FAM131C: variants seen among roughly 807,000 people sequenced by gnomAD.
FAM131C encodes family with sequence similarity 131 member C.
In FAM131C, 14 loss-of-function variants were observed where a neutral mutation model predicts 29.8. The ratio of observed to expected loss-of-function variants is 0.47; its 90% CI spans 0.31 to 0.73. The LOEUF is 0.73. Among genes scored for constraint, FAM131C ranks in the 30% least tolerant of loss-of-function variants. The pLI is 0.05. For missense variants in FAM131C, 252 were observed against 383.8 expected (o/e 0.66, Z 2.87); for synonymous variants, 86 against 157.8 (o/e 0.54, Z 3.41).
chr1:16,062,430 G>T, intron 3 of FAM131C, 69 bp downstream of exon 3: 2 of 1,346,418 alleles, frequency 1.5e-6, no homozygotes, highest in Non-Finnish European at 2.1e-6. Context: ...CCTGGGCTGG[G>T]CACAAAGGAT....
intron 1 of FAM131C, among the ~76,000 whole-genome samples, chr1:16,070,669 G>A (rs1300644280): frequency 6.6e-6 from 1 of 152,160 alleles, no homozygotes; most frequent in African/African-American, 2.4e-5. Context: ...AAAAATGAGA[G>A]CAATAGCTAA....
At chr1:16,062,918 A>T (rs1038503285) in intron 2 of FAM131C, among the ~76,000 whole-genome samples, 1 of 152,150 alleles carries the variant, frequency 6.6e-6, no homozygotes, top group Non-Finnish European at 1.5e-5. Flanking sequence ...ACGGAGGCTG[A>T]GAAGAGCTGA....
intron 1 of FAM131C, among the ~76,000 whole-genome samples, chr1:16,065,837 C>T (rs369188599): frequency 6.6e-6 from 1 of 152,190 alleles, no homozygotes; most frequent in Admixed American, 6.5e-5. Flanking sequence ...TACCCAAATC[C>T]TCATTTCAGG....
intron 1 of FAM131C, among the ~76,000 whole-genome samples, chr1:16,073,101 C>G (rs1041266480): frequency 1.1e-4 from 17 of 152,050 alleles, no homozygotes; most frequent in Non-Finnish European, 2.2e-4. Flanking sequence ...CAGGAAGAAC[C>G]AGAGCTGGTT....
rs1347460763 is a variant in FAM131C, at chr1:16,059,223, C to G, written c.562+271G>C. On this transcript the variant is annotated intron_variant, in intron 6 of 6. Coordinates refer to ENST00000375662, the MANE Select transcript of FAM131C (RefSeq NM_182623.3). ...CAACAAGACCCACTCCCTAGGGCTG[C>G]TGTGAGGATTCTGTGAGGTGCCTCG... Among the ~76,000 whole-genome samples, 456 of 99,298 alleles carry G rather than the reference C, an allele frequency of 4.6e-3. 1 individual carries two copies. The highest frequency in any genetic ancestry group is 0.013 in the African/African-American group (430 of 33,658). The allele number at this position is 99,298 out of a possible 152,430, so 65.1% of individuals were successfully genotyped here.
chr1:16,068,226 C>T (rs919564811), intron 1 of FAM131C, among the ~76,000 whole-genome samples: 2 of 152,252 alleles, frequency 1.3e-5, no homozygotes, highest in African/African-American at 4.8e-5. Flanking sequence ...CTCTTACGGT[C>T]CCTGAGCTGG....
Position 16,073,450 on chromosome 1 carries a change from C to T in FAM131C, c.-8G>A. ...CGACACGCAGGAGCCCATCACGGGGCCGCGGGGCCGGGCCGCTGCGCCCGG... is the reference window on the plus strand; with the variant it reads ...CGACACGCAGGAGCCCATCACGGGGTCGCGGGGCCGGGCCGCTGCGCCCGG... On this transcript the variant is annotated 5_prime_UTR_variant, in exon 1 of 7. Transcript: ENST00000375662. The T allele has an allele frequency of 8.3e-7, 1 of 1,207,482 alleles. No individual in the cohort carries two copies. Among genetic ancestry groups the T allele is most frequent in the Non-Finnish European group, 1.0e-6 (1 of 971,928 alleles). The allele number at this position is 1,207,482 out of a possible 1,614,324, so 74.8% of individuals were successfully genotyped here.
intron 1 of FAM131C, among the ~76,000 whole-genome samples, chr1:16,065,651 C>T (rs2023672995): frequency 6.6e-6 from 1 of 152,220 alleles, no homozygotes; most frequent in Admixed American, 6.5e-5. Flanking sequence ...AGGTGCAGAA[C>T]CCCAGCTCTT....
intron 1 of FAM131C, among the ~76,000 whole-genome samples, chr1:16,063,863 T>G (rs60639601): frequency 0.1 from 15,423 of 151,992 alleles, 1,467 homozygotes; most frequent in African/African-American, 0.25. Context: ...CTCCCTTTTC[T>G]CAGTTTCTAG....
chr1:16,061,901 C>T (rs2023599451), intron 4 of FAM131C, among the ~76,000 whole-genome samples, 198 bp downstream of exon 4: 1 of 151,442 alleles, frequency 6.6e-6, no homozygotes, highest in African/African-American at 2.4e-5. Context: ...AGCAGTTTAA[C>T]CTGTGGAAGC....
In FAM131C at chr1:16,059,919, T is replaced by C. The variant is rs771557448; in HGVS notation, c.401A>G (p.Glu134Gly). The C allele has an allele frequency of 3.5e-6, 5 of 1,440,294 alleles. No individual in the cohort carries two copies. Among genetic ancestry groups the C allele is most frequent in the Non-Finnish European group, 3.7e-6 (4 of 1,086,038 alleles). The allele number at this position is 1,440,294 out of a possible 1,614,324, so 89.2% of individuals were successfully genotyped here. The change falls in exon 5 of 7, where the codon GAG becomes GGG. Residue 134 changes from glutamate to glycine, a missense_variant. Glu to Gly is a moderately conservative substitution (Grantham distance 98). Around this residue, in one of 6 missense-constraint regions of FAM131C, gnomAD observed 38 missense variants for 32.7 expected, o/e 1.16. Coordinates refer to ENST00000375662, the MANE Select transcript of FAM131C (RefSeq NM_182623.3). ...CTCATCCGGGAGGCAGCAGTAATGC[T>C]CGTCCTCAGCTGGGGACAGCTCCCA... The part of the protein sequence containing the change: ...AGWELSPAED[E>G]HYCCLPDELR...
In FAM131C at chr1:16,058,497, G is replaced by T; in HGVS notation, c.783C>A (p.Gly261=). The change falls in exon 7 of 7, where the codon GGC becomes GGA. Residue 261 remains glycine, a synonymous_variant. Transcript: ENST00000375662. The stretch of plus-strand genomic sequence containing the variant: ...AGCCGCTGTCCATGGAGGGGAGGGA[G>T]CCCGGGGGGTGGGTCCCACCCTCGG... ...QGPEGGTHPP[G]SLPSMDSGSL... is the part of the protein sequence containing the mutation. 6.6e-7 allele frequency: 1 copy of T among 1,507,990 alleles called. No individual in the cohort carries two copies. Among genetic ancestry groups the T allele is most frequent in the South Asian group, 1.3e-5 (1 of 76,258 alleles). The allele number at this position is 1,507,990 out of a possible 1,614,324, so 93.4% of individuals were successfully genotyped here. A position where few individuals can be genotyped will look rare whatever the true frequency, so the allele number is the denominator to read the frequency against.
chr1:16,061,024 C>T (rs933163686), intron 4 of FAM131C, among the ~76,000 whole-genome samples: 1 of 152,120 alleles, frequency 6.6e-6, no homozygotes, highest in African/African-American at 2.4e-5. Flanking sequence ...AGGAATGGTT[C>T]AGCATCACCA....
rs2023636644 is a variant in FAM131C, at chr1:16,063,601, G to A, written c.58C>T (p.Pro20Ser). The A allele has an allele frequency of 3.7e-6, 6 of 1,613,154 alleles. No homozygotes were observed. The highest frequency in any genetic ancestry group is 5.1e-6 in the Non-Finnish European group (6 of 1,179,544). The change falls in exon 2 of 7, where the codon CCC becomes TCC. Residue 20 changes from proline (P) to serine (S), a missense_variant. This residue lies in a region of FAM131C where 76 missense variants were observed against 62.8 expected (regional missense o/e 1.21). Transcript: ENST00000375662. ...GGGTTCAAGGGGTCCGCACCCTGGGGCATGGGGCAGTTCTTGTGGGCACTT... is the reference window on the plus strand; with the variant it reads ...GGGTTCAAGGGGTCCGCACCCTGGGACATGGGGCAGTTCTTGTGGGCACTT... ...FTSAHKNCPM[P>S]QGADPLNPDL...
intron 3 of FAM131C, 53 bp from the exon 4 acceptor site, chr1:16,062,245 A>T (rs1486682668): frequency 1.3e-6 from 2 of 1,569,676 alleles, no homozygotes; most frequent in African/African-American, 2.8e-5. Context: ...GCCGGCCGAC[A>T]TCCCTCCAGC....
At chr1:16,072,431 G>C (rs1049959268) in intron 1 of FAM131C, among the ~76,000 whole-genome samples, 1 of 152,144 alleles carries the variant, frequency 6.6e-6, no homozygotes, top group African/African-American at 2.4e-5. Flanking sequence ...GGGTGTGGTG[G>C]TGGTCAGTGG....
At chr1:16,065,699 C>T (rs991784912) in intron 1 of FAM131C, among the ~76,000 whole-genome samples, 14 of 152,176 alleles carry the variant, frequency 9.2e-5, no homozygotes, top group Admixed American at 7.9e-4. Context: ...ACTTACCCTC[C>T]GGAGTACCCT....
intron 1 of FAM131C, among the ~76,000 whole-genome samples, chr1:16,068,983 A>G (rs2023717159): frequency 6.6e-6 from 1 of 152,214 alleles, no homozygotes; most frequent in Non-Finnish European, 1.5e-5. Flanking sequence ...TGTGTCAGGT[A>G]CTGTCTGTCC....
At chr1:16,073,114 C>T (rs1387346079) in intron 1 of FAM131C, among the ~76,000 whole-genome samples, 1 of 152,048 alleles carries the variant, frequency 6.6e-6, no homozygotes. Context: ...AGCTGGTTCC[C>T]AGGCACCCGG....
Sources: allele counts gnomAD v4.1 joint callset (sites outside exome capture counted in the v4.1 genomes callset), GRCh38; gene constraint gnomAD v4.1.1; regional missense constraint gnomAD v4.1.1; transcripts MANE v1.5; gene names NCBI Gene and HGNC (gene_info 2026-07-23, HGNC 2026-07-21).